The following CPNE4 variants were observed in gnomAD, a reference collection of about 807,000 sequenced individuals.
The protein encoded by CPNE4 is copine-4.
In CPNE4, 25 loss-of-function variants were observed where a neutral mutation model predicts 67.9. The ratio of observed to expected loss-of-function variants is 0.37; its 90% CI spans 0.27 to 0.51. CPNE4 has a LOEUF of 0.51. Among genes scored for constraint, CPNE4 ranks in the 20% least tolerant of loss-of-function variants. The probability of loss-of-function intolerance (pLI) is 0.93; values close to 1 mark genes in which losing one functional copy is unlikely to be tolerated. For synonymous variants in CPNE4, 242 were observed against 244.9 expected, an observed-to-expected ratio of 0.99 and a Z score of 0.11; for missense variants, 464 against 690.8, an observed-to-expected ratio of 0.67 and a Z score of 3.68.
At chr3:132,038,053 C>T (rs1363577662), upstream of CPNE4, 3 of 146,182 alleles carry the variant, frequency 2.1e-5, no homozygotes, top group African/African-American at 7.8e-5. Context: ...TTGTAAATAA[C>T]AGGATATATT....
intron 3 of CPNE4, among the ~76,000 whole-genome samples, chr3:131,721,475 A>G (rs2081885278): frequency 6.9e-6 from 1 of 145,294 alleles, no homozygotes; most frequent in Non-Finnish European, 1.5e-5. Flanking sequence ...GGCTCACTGC[A>G]AGCTCCGCCT....
intron 1 of CPNE4, among the ~76,000 whole-genome samples, chr3:131,908,178 G>C (rs1173276873): frequency 6.6e-6 from 1 of 152,102 alleles, no homozygotes; most frequent in Non-Finnish European, 1.5e-5. Context: ...TCCGTACAGA[G>C]TCATACATCC....
rs116420558 is a variant in CPNE4 at position 131,748,397 on chromosome 3, G to A, written c.181-24772C>T. Among the ~76,000 whole-genome samples the A allele has an allele frequency of 9.1e-3, 1,382 of 151,716 alleles. 12 individuals are homozygous for A. The highest frequency in any genetic ancestry group is 0.014 in the Non-Finnish European group (983 of 67,802). ...TTGCATCTATATCGTGAGGAATACTGGTCTTTTTTTTAATAATTTTTTTGT... is the reference window on the plus strand; with the variant it reads ...TTGCATCTATATCGTGAGGAATACTAGTCTTTTTTTTAATAATTTTTTTGT... On this transcript the variant is annotated intron_variant, in intron 2 of 15. Coordinates refer to ENST00000429747, the MANE Select transcript of CPNE4 (RefSeq NM_130808.3).
intron 7 of CPNE4, among the ~76,000 whole-genome samples, chr3:131,640,064 G>A (rs2079500886): frequency 6.6e-6 from 1 of 152,106 alleles, no homozygotes; most frequent in Non-Finnish European, 1.5e-5. Context: ...ACTGAATGGG[G>A]AAAAGTTGAA....
chr3:131,693,697 C>T (rs1248529672), intron 5 of CPNE4, among the ~76,000 whole-genome samples: 2 of 152,136 alleles, frequency 1.3e-5, no homozygotes, highest in African/African-American at 4.8e-5. Flanking sequence ...GGTATTGGGA[C>T]CATGCATCAC....
intron 5 of CPNE4, among the ~76,000 whole-genome samples, chr3:131,688,525 T>C (rs1286410866): frequency 1.3e-5 from 2 of 152,206 alleles, no homozygotes; most frequent in African/African-American, 4.8e-5. Context: ...TCCCTATGGA[T>C]GTGGGCTACA....
Position 131,909,669 on chromosome 3 carries a change from G to A in CPNE4, c.-1-4225C>T, listed in dbSNP as rs541127107. 1.3e-4 allele frequency among the ~76,000 whole-genome samples: 20 copies of A among 152,152 alleles called. No individual in the cohort carries two copies. In the South Asian group the frequency reaches 1.7e-3, roughly 13 times the overall value. On this transcript the variant is annotated intron_variant, in intron 1 of 15. Transcript: ENST00000429747. ...ATTTTTCTCCTAGTCTGAGGTTCTCGTTGGCCATCATACTTGCTTATAATA... is the reference window on the plus strand; with the variant it reads ...ATTTTTCTCCTAGTCTGAGGTTCTCATTGGCCATCATACTTGCTTATAATA...
chr3:131,792,672 C>CACATGTGTATATATGT (rs1560322350), intron 2 of CPNE4, among the ~76,000 whole-genome samples: 1 of 32,856 alleles, frequency 3.0e-5, no homozygotes, highest in Non-Finnish European at 6.1e-5. Flanking sequence ...TGTATATATA[C>CACATGTGTATATATGT]ATATATACAC....
chr3:132,013,171 C>A (rs1480753695), intron 1 of CPNE4, among the ~76,000 whole-genome samples: 3 of 152,138 alleles, frequency 2.0e-5, no homozygotes, highest in African/African-American at 7.2e-5. Flanking sequence ...TGCAGTGAAC[C>A]AAGATCACGC....
intron 1 of CPNE4, among the ~76,000 whole-genome samples, chr3:131,945,878 C>T (rs1475869734): frequency 6.6e-6 from 1 of 152,098 alleles, no homozygotes; most frequent in Non-Finnish European, 1.5e-5. Context: ...AGGACACTGC[C>T]CGCGTGGAGG....
intron 10 of CPNE4, among the ~76,000 whole-genome samples, chr3:131,572,210 C>T (rs1371863173): frequency 2.0e-5 from 3 of 151,964 alleles, no homozygotes; most frequent in Non-Finnish European, 2.9e-5. Context: ...TTGTATTGGT[C>T]AGAGCCACTA....
intron 11 of CPNE4, among the ~76,000 whole-genome samples, chr3:131,562,490 C>G (rs57424860): frequency 6.6e-6 from 1 of 152,116 alleles, no homozygotes; most frequent in African/African-American, 2.4e-5. Flanking sequence ...AGTGCATTTA[C>G]CTACTTTATC....
At chr3:131,799,699 G>T (rs562726615) in intron 2 of CPNE4, among the ~76,000 whole-genome samples, 24 of 152,194 alleles carry the variant, frequency 1.6e-4, no homozygotes, top group Non-Finnish European at 3.4e-4. Flanking sequence ...ATCCCCTTCA[G>T]CCACTGCAAT....
In CPNE4 at chr3:131,662,914, A is replaced by G. The variant is rs375286812; in HGVS notation, c.681+6761T>C. On this transcript the variant is annotated intron_variant, in intron 7 of 15. Coordinates refer to ENST00000429747, the MANE Select transcript of CPNE4 (RefSeq NM_130808.3). Reference sequence around the variant, plus strand: ...TGGAAGACAGTGTGGTGATTCCTCAAGGATCTAGAACCAGAAATACCATTT... The same window carrying G: ...TGGAAGACAGTGTGGTGATTCCTCAGGGATCTAGAACCAGAAATACCATTT... Among the ~76,000 whole-genome samples the G allele has an allele frequency of 2.3e-3, 355 of 152,322 alleles. 2 individuals carry two copies. Among genetic ancestry groups the G allele is most frequent in the African/African-American group, 8.1e-3 (337 of 41,568 alleles).
intron 1 of CPNE4, among the ~76,000 whole-genome samples, chr3:132,000,696 G>T (rs1044483921): frequency 2.6e-5 from 4 of 151,642 alleles, no homozygotes; most frequent in Admixed American, 2.6e-4. Flanking sequence ...CATGAGAAAA[G>T]CATTGCAGGC....
rs1003841158 is a variant in CPNE4, at chr3:131,859,259, A to G, written c.180+46005T>C. ...TTTTATTTCTAAAATATGAGAATTT[A>G]TATGGTAACCTCATCCATGAAGCTC... On this transcript the variant is annotated intron_variant, in intron 2 of 15. Coordinates refer to ENST00000429747, the MANE Select transcript of CPNE4 (RefSeq NM_130808.3). Among the ~76,000 whole-genome samples the G allele has an allele frequency of 2.6e-5, 4 of 152,230 alleles. No homozygotes were observed. In the East Asian group the frequency reaches 7.7e-4, roughly 29 times the overall value.
At chr3:131,953,040 G>A (rs2071816256) in intron 1 of CPNE4, among the ~76,000 whole-genome samples, 1 of 151,782 alleles carries the variant, frequency 6.6e-6, no homozygotes, top group Admixed American at 6.6e-5. Flanking sequence ...ATGCTTGAAG[G>A]CAGCATGCTC....
At chr3:131,785,431 T>C (rs570616524) in intron 2 of CPNE4, among the ~76,000 whole-genome samples, 2 of 152,118 alleles carry the variant, frequency 1.3e-5, no homozygotes, top group South Asian at 4.1e-4. Context: ...CCATGAGGCC[T>C]ACTGTGACGC....
intron 1 of CPNE4, among the ~76,000 whole-genome samples, chr3:131,924,272 C>T (rs2070831320): frequency 6.6e-6 from 1 of 152,148 alleles, no homozygotes; most frequent in Non-Finnish European, 1.5e-5. Flanking sequence ...AACTTCCAAC[C>T]TTATCAGTGA....
Sources: allele counts gnomAD v4.1 joint callset (sites outside exome capture counted in the v4.1 genomes callset), GRCh38; gene constraint gnomAD v4.1.1; transcripts MANE v1.5; gene names NCBI Gene and HGNC (gene_info 2026-07-23, HGNC 2026-07-21).